The following STARD13 variants were observed in gnomAD, a reference collection of about 807,000 sequenced individuals.
STARD13 encodes the protein stAR-related lipid transfer protein 13.
STARD13 carries 62 observed loss-of-function variants against 106.4 expected under a neutral mutation model. The ratio of observed to expected loss-of-function variants is 0.58; its 90% CI spans 0.48 to 0.72. The LOEUF (loss-of-function observed/expected upper bound fraction) is 0.72. Ranked by LOEUF, STARD13 falls within the 30% of genes least tolerant of loss-of-function variation. The pLI is 0.00. For missense variants in STARD13, 1,387 were observed against 1,424.0 expected (o/e 0.97, Z 0.42); for synonymous variants, 565 against 553.0 (o/e 1.02, Z -0.31).
chr13:33,128,502 T>C (rs1285917435), intron 5 of STARD13, among the ~76,000 whole-genome samples: 2 of 152,158 alleles, frequency 1.3e-5, no homozygotes, highest in African/African-American at 2.4e-5. Flanking sequence ...GTACACATCT[T>C]AGGCCTCAGA....
the STARD13 span, among the ~76,000 whole-genome samples, chr13:33,571,740 CT>C: frequency 6.6e-6 from 1 of 152,156 alleles, no homozygotes; most frequent in African/African-American, 2.4e-5. Context: ...ATGTAGCCTG[CT>C]TTGTACCAGA....
At chr13:33,287,455 T>A (rs955346974), upstream of STARD13, among the ~76,000 whole-genome samples, 1 of 152,222 alleles carries the variant, frequency 6.6e-6, no homozygotes, top group Non-Finnish European at 1.5e-5. Context: ...GTTGGCTTCA[T>A]GGCAGGAAGG....
chr13:33,645,620 G>A, the STARD13 span, among the ~76,000 whole-genome samples: 4 of 152,310 alleles, frequency 2.6e-5, no homozygotes, highest in East Asian at 7.7e-4. Flanking sequence ...GGCAGCCAAA[G>A]TCTAAAGGGA....
rs1427660613 is a variant in STARD13, at chr13:33,127,514, T to G, written c.1781A>C (p.His594Pro). The G allele has an allele frequency of 6.4e-7, 1 of 1,567,040 alleles. No individual in the cohort carries two copies. Among genetic ancestry groups the G allele is most frequent in the South Asian group, 1.2e-5 (1 of 86,572 alleles). Reference protein sequence around the residue: ...RLRWNSFQLSHQPRPAPASPH... With the variant: ...RLRWNSFQLSPQPRPAPASPH... ...CGATGCTGGGGCCGGCCGGGGCTGG[T>G]GCGACAGCTGGAAACTGTTCCATCG... Residue 594 changes from histidine to proline, a missense_variant, in exon 6 of 14, where the codon CAC becomes CCC. Transcript: ENST00000336934.
In STARD13 at chr13:33,165,427, G is replaced by A; in HGVS notation, c.242-9C>T. On this transcript the variant is annotated splice_polypyrimidine_tract_variant and intron_variant, in intron 2 of 13. Transcript: ENST00000336934. The stretch of plus-strand genomic sequence containing the variant: ...GATGGGAAATTGTGAATCTGAGAGA[G>A]AAAGACAAAGAAGTTGATGTACTTT... 6.2e-7 allele frequency: 1 copy of A among 1,604,022 alleles called. No homozygotes were observed. The highest frequency in any genetic ancestry group is 8.5e-7 in the Non-Finnish European group (1 of 1,170,966).
chr13:33,253,097 G>C (rs1302343827), intron 1 of STARD13, among the ~76,000 whole-genome samples: 1 of 152,180 alleles, frequency 6.6e-6, no homozygotes, highest in South Asian at 2.1e-4. Context: ...AACCAGAAAA[G>C]AGCCCTAACT....
the STARD13 span, among the ~76,000 whole-genome samples, chr13:33,469,682 T>A: frequency 6.6e-6 from 1 of 152,084 alleles, no homozygotes; most frequent in African/African-American, 2.4e-5. Context: ...TGTGAAATGG[T>A]GAGAGTAGAC....
intron 3 of STARD13, among the ~76,000 whole-genome samples, chr13:33,154,144 C>T (rs1881656609): frequency 6.6e-6 from 1 of 152,158 alleles, no homozygotes; most frequent in Non-Finnish European, 1.5e-5. Context: ...CAATCACAGG[C>T]CATCCACAGG....
intron 1 of STARD13, among the ~76,000 whole-genome samples, chr13:33,204,255 A>G (rs1887251453): frequency 1.3e-5 from 2 of 151,886 alleles, no homozygotes; most frequent in African/African-American, 2.4e-5. Flanking sequence ...GGCATAGATG[A>G]TTCCTTCACA....
the STARD13 span, among the ~76,000 whole-genome samples, chr13:33,596,928 A>G: frequency 7.2e-5 from 11 of 152,144 alleles, no homozygotes; most frequent in African/African-American, 2.7e-4. Context: ...TTCTTTGTCT[A>G]TTCATCCATT....
At chr13:33,629,167 C>T in the STARD13 span, among the ~76,000 whole-genome samples, 1 of 152,322 alleles carries the variant, frequency 6.6e-6, no homozygotes, top group East Asian at 1.9e-4. Context: ...TACCCCAACT[C>T]CACGGGCCAA....
chr13:33,560,160 C>A, the STARD13 span, among the ~76,000 whole-genome samples: 2 of 151,354 alleles, frequency 1.3e-5, no homozygotes, highest in African/African-American at 4.9e-5. Context: ...GTATTTTTTC[C>A]CTATGGCTGT....
At chr13:33,468,192 G>A in the STARD13 span, among the ~76,000 whole-genome samples, 33,413 of 151,992 alleles carry the variant, frequency 0.22, 6,784 homozygotes, top group African/African-American at 0.54. Context: ...ATTCTAAATC[G>A]GAATTTATAA....
the STARD13 span, among the ~76,000 whole-genome samples, chr13:33,622,804 C>T: frequency 6.6e-6 from 1 of 151,716 alleles, no homozygotes; most frequent in East Asian, 1.9e-4. Context: ...CCTGTAGTCC[C>T]AGCTACTCGG....
chr13:33,146,130 G>A (rs1355661865), intron 3 of STARD13, among the ~76,000 whole-genome samples: 1 of 152,216 alleles, frequency 6.6e-6, no homozygotes, highest in Admixed American at 6.5e-5. Flanking sequence ...TTCAAGACCA[G>A]CCTGACCAAC....
At chr13:33,649,062 G>C in the STARD13 span, among the ~76,000 whole-genome samples, 4 of 151,884 alleles carry the variant, frequency 2.6e-5, no homozygotes, top group African/African-American at 9.7e-5. Flanking sequence ...CAAAGTGCTG[G>C]GATTACAGGC....
chr13:33,650,079 C>T, the STARD13 span, among the ~76,000 whole-genome samples: 1 of 146,996 alleles, frequency 6.8e-6, no homozygotes, highest in Non-Finnish European at 1.5e-5. Context: ...CTGCTTCTGA[C>T]TGGGGATGAA....
At chr13:33,404,766 T>A in the STARD13 span, among the ~76,000 whole-genome samples, 2 of 150,214 alleles carry the variant, frequency 1.3e-5, no homozygotes, top group Non-Finnish European at 3.0e-5. Context: ...CAGAATCACC[T>A]CTGGGACTTT....
At position 33,285,748 on chromosome 13, in the gene STARD13, C is replaced by A. The variant is rs946273349; in HGVS notation, c.-110G>T. ...GCCCAGGACAGCTCAACAGACCCAG[C>A]GATTTTTAAAAAGAAAGAGGAGTGC... On this transcript the variant is annotated 5_prime_UTR_variant, in exon 1 of 14. Transcript: ENST00000336934. The A allele has an allele frequency of 1.9e-5, 28 of 1,487,492 alleles. No homozygotes were observed. The highest frequency in any genetic ancestry group is 4.7e-5 in the East Asian group (2 of 42,874). The allele number at this position is 1,487,492 out of a possible 1,614,324, so 92.1% of individuals were successfully genotyped here. A position where few individuals can be genotyped will look rare whatever the true frequency, so the allele number is the denominator to read the frequency against.
Sources: gnomAD v4.1 joint callset for allele counts (sites outside exome capture counted in the v4.1 genomes callset) on GRCh38, gnomAD v4.1.1 for gene constraint, MANE v1.5 for transcripts, NCBI Gene and HGNC (gene_info 2026-07-23, HGNC 2026-07-21) for gene names.